Variants in DIP2B observed in about 807,000 individuals in gnomAD.
DIP2B encodes the protein disco-interacting protein 2 homolog B.
In DIP2B, 76 loss-of-function variants were observed where a neutral mutation model predicts 198.0. That is an observed-to-expected ratio of 0.38 (90% confidence interval 0.32 to 0.46). The LOEUF (loss-of-function observed/expected upper bound fraction) is 0.46. DIP2B is among the 20% of genes least tolerant of loss of function. The probability of loss-of-function intolerance (pLI) is 0.99; values close to 1 mark genes in which losing one functional copy is unlikely to be tolerated. For synonymous variants in DIP2B, 701 were observed against 739.1 expected (o/e 0.95, Z 0.84); for missense variants, 1,559 against 1,978.4 (o/e 0.79, Z 4.02).
intron 2 of DIP2B, among the ~76,000 whole-genome samples, chr12:50,638,201 G>A (rs1287590555): frequency 6.6e-6 from 1 of 152,160 alleles, no homozygotes; most frequent in East Asian, 1.9e-4. Context: ...CTAGAATTTA[G>A]AAGTCATAAA....
chr12:50,626,498 T>C (rs1476712474), intron 2 of DIP2B, among the ~76,000 whole-genome samples: 3 of 152,206 alleles, frequency 2.0e-5, no homozygotes, highest in African/African-American at 7.2e-5. Flanking sequence ...GACTTACTGC[T>C]TCTATAGAGA....
intron 27 of DIP2B, among the ~76,000 whole-genome samples, chr12:50,724,424 TCTC>T (rs1445165659): frequency 6.6e-6 from 1 of 152,210 alleles, no homozygotes; most frequent in Non-Finnish European, 1.5e-5. Flanking sequence ...ATCCGATTCT[TCTC>T]ATTTCCTGAG....
chr12:50,660,474 A>G (rs1034769368), intron 4 of DIP2B, among the ~76,000 whole-genome samples, 155 bp downstream of exon 4: 4 of 152,222 alleles, frequency 2.6e-5, no homozygotes, highest in South Asian at 2.1e-4. Flanking sequence ...TTTGCTTGTC[A>G]TCTCGTAAAC....
At chr12:50,637,992 G>T (rs1250067540) in intron 2 of DIP2B, among the ~76,000 whole-genome samples, 1 of 152,144 alleles carries the variant, frequency 6.6e-6, no homozygotes, top group East Asian at 1.9e-4. Context: ...GAGAAGGAAG[G>T]CTTTATGTTT....
intron 1 of DIP2B, among the ~76,000 whole-genome samples, chr12:50,611,841 T>A (rs1286166900): frequency 6.6e-6 from 1 of 152,152 alleles, no homozygotes; most frequent in Non-Finnish European, 1.5e-5. Context: ...CTTTACAGTC[T>A]TCTATATTCT....
At chr12:50,677,826 G>A (rs930256761) in intron 7 of DIP2B, among the ~76,000 whole-genome samples, 7 of 151,860 alleles carry the variant, frequency 4.6e-5, no homozygotes, top group African/African-American at 1.5e-4. Context: ...TTGAACAACC[G>A]TGAAGTATTA....
intron 1 of DIP2B, among the ~76,000 whole-genome samples, chr12:50,561,922 CT>C (rs1251556847): frequency 6.6e-6 from 1 of 152,140 alleles, no homozygotes; most frequent in South Asian, 2.1e-4. Flanking sequence ...TCTACCATCT[CT>C]TTTATAAATA....
intron 1 of DIP2B, among the ~76,000 whole-genome samples, chr12:50,533,972 G>A (rs2139366523): frequency 6.6e-6 from 1 of 152,276 alleles, no homozygotes; most frequent in East Asian, 1.9e-4. Context: ...GGTGAAATCA[G>A]AGATTTGAGG....
intron 1 of DIP2B, among the ~76,000 whole-genome samples, chr12:50,594,002 G>A (rs1287295354): frequency 2.1e-5 from 3 of 145,102 alleles, no homozygotes; most frequent in Admixed American, 7.1e-5. Flanking sequence ...ATGCAATGGC[G>A]CCATCTGGGT....
Position 50,704,189 on chromosome 12 carries a change from T to C in DIP2B, c.2375T>C (p.Ile792Thr). 6.2e-7 allele frequency: 1 copy of C among 1,611,762 alleles called. No homozygotes were observed. The highest frequency in any genetic ancestry group is 8.5e-7 in the Non-Finnish European group (1 of 1,179,668). The change falls in exon 20 of 38, where the codon ATC becomes ACC. Residue 792 changes from isoleucine to threonine, a missense_variant. Physicochemically the swap from Ile to Thr is moderately conservative, Grantham distance 89. Transcript: ENST00000301180. ...TCTCCTGTTGGGGATGTGCCATTCA[T>C]CCGATCAGGATTGCTGGGGTTTGTA... is the stretch of plus-strand genomic sequence containing the variant. ...AGSPVGDVPF[I>T]RSGLLGFVGP...
intron 1 of DIP2B, among the ~76,000 whole-genome samples, chr12:50,625,151 A>ACCTCAC (rs1183173612): frequency 1.3e-5 from 2 of 152,086 alleles, no homozygotes; most frequent in African/African-American, 4.8e-5. Flanking sequence ...CTGTCATGTC[A>ACCTCAC]CCTCACCACA....
Position 50,744,787 on chromosome 12 carries a change from A to G in DIP2B, c.4679A>G (p.Asp1560Gly), listed in dbSNP as rs774731416. 6.2e-7 allele frequency: 1 copy of G among 1,614,214 alleles called. No individual in the cohort carries two copies. The highest frequency in any genetic ancestry group is 1.1e-5 in the South Asian group (1 of 91,090). The change falls in exon 38 of 38, where the codon GAT becomes GGT. Residue 1560 changes from aspartate (D) to glycine (G), a missense_variant. Transcript: ENST00000301180. ...GAGAAGCAGAGGATGCACCTCCGTG[A>G]TAGCTTCCTAGCTGACCAGTTAGAC... ...RGEKQRMHLRDSFLADQLDPI... is the reference protein window; with the variant it reads ...RGEKQRMHLRGSFLADQLDPI...
intron 1 of DIP2B, among the ~76,000 whole-genome samples, chr12:50,544,080 T>C (rs1958353144): frequency 6.7e-6 from 1 of 150,296 alleles, no homozygotes; most frequent in Admixed American, 6.7e-5. Flanking sequence ...TACAAAAAAT[T>C]AGCCAGGCGT....
rs1334292284 is a variant in DIP2B, at chr12:50,734,125, C to G, written c.3982-10C>G. ...AATTCTAAACAACGCATTGATTTGTCTTTCTTTAGGGAACCTCAGGGCCTG... is the reference window on the plus strand; with the variant it reads ...AATTCTAAACAACGCATTGATTTGTGTTTCTTTAGGGAACCTCAGGGCCTG... On this transcript the variant is annotated splice_polypyrimidine_tract_variant and intron_variant, in intron 32 of 37. Coordinates refer to ENST00000301180, the MANE Select transcript of DIP2B (RefSeq NM_173602.3). The G allele has an allele frequency of 6.2e-7, 1 of 1,613,412 alleles. No individual in the cohort carries two copies. The highest frequency in any genetic ancestry group is 1.7e-5 in the Admixed American group (1 of 59,932).
At chr12:50,559,709 C>CCACACACA (rs55678718) in intron 1 of DIP2B, among the ~76,000 whole-genome samples, 23,281 of 139,360 alleles carry the variant, frequency 0.17, 2,170 homozygotes, top group Non-Finnish European at 0.21. Context: ...GTGACAGAAA[C>CCACACACA]CACACACACA....
At chr12:50,524,976 T>A (rs1297375430) in intron 1 of DIP2B, among the ~76,000 whole-genome samples, 1 of 152,174 alleles carries the variant, frequency 6.6e-6, no homozygotes, top group East Asian at 1.9e-4. Flanking sequence ...TCCTCTTGCC[T>A]TGGTGCCCTG....
At chr12:50,643,336 A>G (rs1301673782) in intron 3 of DIP2B, among the ~76,000 whole-genome samples, 2 of 149,074 alleles carry the variant, frequency 1.3e-5, no homozygotes, top group African/African-American at 4.9e-5. Context: ...GACTGTGGAG[A>G]TTGTTGGTTA....
At chr12:50,554,332 A>G (rs891338928) in intron 1 of DIP2B, among the ~76,000 whole-genome samples, 10 of 152,200 alleles carry the variant, frequency 6.6e-5, no homozygotes, top group Non-Finnish European at 1.3e-4. Context: ...TACTTAAGTT[A>G]TGACTATGTA....
In DIP2B at chr12:50,566,928, C is replaced by T. The variant is rs368397576; in HGVS notation, c.101-59048C>T. On this transcript the variant is annotated intron_variant, in intron 1 of 37. Transcript: ENST00000301180. ...CGGAGCTTGCAGTGAGCCGAGATCG[C>T]GCCACTGCACTCCAGCCTGGGTGAC... is the stretch of plus-strand genomic sequence containing the variant. Among the ~76,000 whole-genome samples the T allele has an allele frequency of 5.4e-5, 8 of 146,902 alleles. No homozygotes were observed. The East Asian group carries it at 8.1e-4, about 15-fold the overall frequency.
Sources: gnomAD v4.1 joint callset for allele counts (sites outside exome capture counted in the v4.1 genomes callset) on GRCh38, gnomAD v4.1.1 for gene constraint, MANE v1.5 for transcripts, NCBI Gene and HGNC (gene_info 2026-07-23, HGNC 2026-07-21) for gene names.